DIPK1A: variants seen among roughly 807,000 people sequenced by gnomAD.
DIPK1A encodes family with sequence similarity 69 member A.
Under a neutral mutation model 40.8 loss-of-function variants are expected in DIPK1A, and 27 were observed. The ratio of observed to expected loss-of-function variants is 0.66; its 90% CI spans 0.49 to 0.91. The LOEUF (loss-of-function observed/expected upper bound fraction) is 0.91. Ranked by LOEUF, DIPK1A falls within the 40% of genes least tolerant of loss-of-function variation. The pLI, the probability that DIPK1A is intolerant of heterozygous loss-of-function variation, is 0.00. For synonymous variants in DIPK1A, 166 were observed against 171.3 expected, an observed-to-expected ratio of 0.97 and a Z score of 0.24; for missense variants, 412 against 505.7, an observed-to-expected ratio of 0.81 and a Z score of 1.78.
At chr1:92,855,650 T>A (rs1046454445) in intron 2 of DIPK1A, among the ~76,000 whole-genome samples, 5 of 150,268 alleles carry the variant, frequency 3.3e-5, no homozygotes, top group Non-Finnish European at 7.4e-5. Context: ...GCTGCCACGA[T>A]CATGCCATTG....
At chr1:92,883,952 T>C (rs1648489829) in intron 1 of DIPK1A, among the ~76,000 whole-genome samples, 1 of 152,202 alleles carries the variant, frequency 6.6e-6, no homozygotes, top group Admixed American at 6.5e-5. Context: ...ACAGCTTTCT[T>C]AGCCATTCTA....
chr1:92,851,087 G>A (rs1373839583), intron 2 of DIPK1A, 132 bp from the exon 3 acceptor site: 4 of 622,758 alleles, frequency 6.4e-6, no homozygotes, highest in Non-Finnish European at 1.1e-5. Context: ...GACAGACCTG[G>A]ATTTGATCTA....
exon 5 of DIPK1A, chr1:92,832,800 T>G (rs962864163): frequency 1.8e-6 from 1 of 570,774 alleles, no homozygotes; most frequent in Non-Finnish European, 3.1e-6. Flanking sequence ...GGAACAGTGC[T>G]GTTTTAGTGG....
chr1:92,894,115 A>C (rs569938752), intron 1 of DIPK1A, among the ~76,000 whole-genome samples: 1 of 152,218 alleles, frequency 6.6e-6, no homozygotes, highest in South Asian at 2.1e-4. Context: ...GTCAACAAGG[A>C]TATCCAGGAA....
At chr1:92,898,109 A>G (rs1649258919) in intron 1 of DIPK1A, among the ~76,000 whole-genome samples, 1 of 16,638 alleles carries the variant, frequency 6.0e-5, no homozygotes, top group Admixed American at 6.3e-4. Context: ...AAAAAAAACA[A>G]AAAACAAACA....
intron 1 of DIPK1A, among the ~76,000 whole-genome samples, chr1:92,905,833 CT>C (rs2100828714): frequency 6.6e-6 from 1 of 152,270 alleles, no homozygotes; most frequent in East Asian, 1.9e-4. Flanking sequence ...TTTAATTCTT[CT>C]GCATAAGGAT....
intron 2 of DIPK1A, among the ~76,000 whole-genome samples, chr1:92,861,606 C>A (rs1360702508): frequency 6.6e-6 from 1 of 151,960 alleles, no homozygotes; most frequent in Non-Finnish European, 1.5e-5. Flanking sequence ...GGATTACAGG[C>A]GTGAGCTGCT....
At chr1:92,894,881 C>T (rs539512184) in intron 1 of DIPK1A, among the ~76,000 whole-genome samples, 35 of 152,168 alleles carry the variant, frequency 2.3e-4, no homozygotes, top group South Asian at 1.0e-3. Context: ...AACACCTCTA[C>T]GCAAATAAAC....
At chr1:92,881,281 C>T (rs1389515201) in intron 1 of DIPK1A, among the ~76,000 whole-genome samples, 1 of 138,898 alleles carries the variant, frequency 7.2e-6, no homozygotes, top group Non-Finnish European at 1.5e-5. Flanking sequence ...CCCCTAAATA[C>T]TCCATACACA....
intron 1 of DIPK1A, among the ~76,000 whole-genome samples, chr1:92,920,031 T>C (rs1240068318): frequency 6.6e-6 from 1 of 152,222 alleles, no homozygotes; most frequent in African/African-American, 2.4e-5. Context: ...TGACAAGAAC[T>C]AAGCTAAACA....
intron 4 of DIPK1A, chr1:92,836,203 T>C (rs756437351): frequency 1.2e-6 from 2 of 1,612,358 alleles, no homozygotes; most frequent in East Asian, 4.5e-5. Flanking sequence ...CTCAATAGGT[T>C]TGGCATGGAC....
Position 92,869,073 on chromosome 1 carries a change from TAG to T in DIPK1A, c.189+7221_189+7222del, listed in dbSNP as rs1647707567. On this transcript the variant is annotated intron_variant, in intron 2 of 4. Coordinates refer to ENST00000370310, the MANE Select transcript of DIPK1A (RefSeq NM_001006605.5). ...GTTCAATAAATATTTAACTGACTGA[TAG>T]ATACCTCTTCTAAAATGGATTATAC... 3.9e-5 allele frequency among the ~76,000 whole-genome samples: 6 copies of T among 151,960 alleles called. No homozygotes were observed. The South Asian group carries it at 6.2e-4, about 16-fold the overall frequency.
At chr1:92,832,953 CGA>C (rs1372583053) in exon 5 of DIPK1A, 4 of 713,472 alleles carry the variant, frequency 5.6e-6, no homozygotes, top group Non-Finnish European at 1.0e-5. Context: ...TAGCGTGTTC[CGA>C]ACAAACCGAC....
chr1:92,923,374 T>C (rs985825805), intron 1 of DIPK1A, among the ~76,000 whole-genome samples: 1 of 152,098 alleles, frequency 6.6e-6, no homozygotes. Context: ...CCTGACCTTG[T>C]TACTGCCTGC....
intron 1 of DIPK1A, among the ~76,000 whole-genome samples, chr1:92,900,142 G>T (rs956597861): frequency 6.6e-6 from 1 of 152,202 alleles, no homozygotes; most frequent in Non-Finnish European, 1.5e-5. Context: ...TGATCTGGAT[G>T]TCTATACCTC....
At chr1:92,878,676 C>T (rs376981710) in intron 1 of DIPK1A, among the ~76,000 whole-genome samples, 4 of 152,044 alleles carry the variant, frequency 2.6e-5, no homozygotes, top group Middle Eastern at 3.2e-3. Flanking sequence ...AAAAATTAGC[C>T]GGGCGAGGTG....
At chr1:92,873,228 A>G (rs1647957504) in intron 2 of DIPK1A, among the ~76,000 whole-genome samples, 1 of 152,104 alleles carries the variant, frequency 6.6e-6, no homozygotes, top group Admixed American at 6.6e-5. Flanking sequence ...GTAGATTTTT[A>G]TTACCCTAGC....
chr1:92,912,691 A>G (rs1288618577), intron 1 of DIPK1A, among the ~76,000 whole-genome samples: 1 of 152,226 alleles, frequency 6.6e-6, no homozygotes. Flanking sequence ...AAGTGGTTAT[A>G]AAAAACTAAA....
rs142790436 is a variant in DIPK1A, at chr1:92,851,215, C to T, written c.190-260G>A. On this transcript the variant is annotated intron_variant, in intron 2 of 4. Coordinates refer to ENST00000370310, the MANE Select transcript of DIPK1A (RefSeq NM_001006605.5). ...GTCTAAGGTGGTATGTTACCTACTC[C>T]TTCCAAGAATAGAGGCACTCTATCT... is the stretch of plus-strand genomic sequence containing the variant. Among the ~76,000 whole-genome samples the T allele has an allele frequency of 3.9e-5, 6 of 152,132 alleles. No individual in the cohort carries two copies. In the East Asian group the frequency reaches 9.6e-4, roughly 24 times the overall value.
Sources: allele counts gnomAD v4.1 joint callset (sites outside exome capture counted in the v4.1 genomes callset), GRCh38; gene constraint gnomAD v4.1.1; transcripts MANE v1.5; gene names NCBI Gene and HGNC (gene_info 2026-07-23, HGNC 2026-07-21).